The following NUP153 variants were observed in gnomAD, a reference collection of about 807,000 sequenced individuals.
NUP153 encodes the protein nuclear pore complex protein Nup153.
NUP153 carries 27 observed loss-of-function variants against 134.6 expected under a neutral mutation model. That is an observed-to-expected ratio of 0.20 (90% CI 0.15 to 0.28). The LOEUF (loss-of-function observed/expected upper bound fraction) is 0.28, where lower values mean the gene tolerates loss of function less well. NUP153 is among the 10% of genes least tolerant of loss of function. NUP153 has a pLI of 1.00. For synonymous variants in NUP153, 640 were observed against 623.5 expected (o/e 1.03, Z -0.40); for missense variants, 1,821 against 1,731.3 (o/e 1.05, Z -0.92).
chr6:17,692,916 A>C (rs1399697819), intron 1 of NUP153, among the ~76,000 whole-genome samples: 1 of 152,208 alleles, frequency 6.6e-6, no homozygotes, highest in Non-Finnish European at 1.5e-5. Flanking sequence ...TGAAAGGCTT[A>C]ATCTTCAGTT....
intron 9 of NUP153, among the ~76,000 whole-genome samples, chr6:17,664,205 T>G (rs1239494999): frequency 9.9e-5 from 15 of 152,128 alleles, no homozygotes; most frequent in Admixed American, 9.8e-4. Context: ...CTGACGGGTA[T>G]GGGTATGAGA....
At chr6:17,671,376 T>C (rs911766045) in intron 5 of NUP153, among the ~76,000 whole-genome samples, 2 of 152,188 alleles carry the variant, frequency 1.3e-5, no homozygotes, top group Admixed American at 1.3e-4. Flanking sequence ...TGTGTAGAAT[T>C]GGTATTATTT....
chr6:17,657,777 ATATTAG>A (rs10531316), intron 11 of NUP153, among the ~76,000 whole-genome samples: 17,756 of 152,212 alleles, frequency 0.12, 1,261 homozygotes, highest in East Asian at 0.28. Context: ...TATGAATCAG[ATATTAG>A]GTTGGTGCAA....
At chr6:17,630,093 A>G (rs1448808564) in intron 17 of NUP153, among the ~76,000 whole-genome samples, 1 of 152,210 alleles carries the variant, frequency 6.6e-6, no homozygotes, top group Non-Finnish European at 1.5e-5. Flanking sequence ...GACTTTTCTA[A>G]CAAGGTAAAA....
intron 1 of NUP153, among the ~76,000 whole-genome samples, chr6:17,702,533 G>A (rs975139959): frequency 7.3e-5 from 11 of 151,648 alleles, no homozygotes; most frequent in African/African-American, 2.4e-4. Flanking sequence ...AAAATCAGCC[G>A]TTTGTGGTGG....
intron 9 of NUP153, among the ~76,000 whole-genome samples, chr6:17,664,003 G>T (rs1295496290): frequency 6.6e-6 from 1 of 151,380 alleles, no homozygotes; most frequent in Non-Finnish European, 1.5e-5. Context: ...CAGCCAAAAA[G>T]TAAAACCAAC....
At chr6:17,697,598 G>A (rs949945002) in intron 1 of NUP153, among the ~76,000 whole-genome samples, 2 of 152,140 alleles carry the variant, frequency 1.3e-5, no homozygotes, top group Non-Finnish European at 2.9e-5. Flanking sequence ...GAGGGAGGGA[G>A]AATTGCTTGA....
chr6:17,664,220 C>T (rs1467955867), intron 9 of NUP153, among the ~76,000 whole-genome samples: 2 of 152,052 alleles, frequency 1.3e-5, no homozygotes, highest in East Asian at 3.8e-4. Flanking sequence ...ATGAGATTTT[C>T]AAAGGGTGGG....
intron 1 of NUP153, among the ~76,000 whole-genome samples, chr6:17,705,585 T>TGGGGGGG (rs200771105): frequency 5.0e-5 from 2 of 40,138 alleles, no homozygotes; most frequent in African/African-American, 9.6e-5. Context: ...GTGGCGGTGT[T>TGGGGGGG]GGGGGGGGGG....
At position 17,665,717 on chromosome 6, in the gene NUP153, G is replaced by GT. The variant is rs770751126; in HGVS notation, c.1069-333dup. Among the ~76,000 whole-genome samples, 628 of 147,784 alleles carry GT rather than the reference G, an allele frequency of 4.2e-3. 10 individuals are homozygous for GT. Among genetic ancestry groups the GT allele is most frequent in the South Asian group, 0.021 (98 of 4,606 alleles). On this transcript the variant is annotated intron_variant, in intron 8 of 21. Coordinates refer to ENST00000262077, the MANE Select transcript of NUP153 (RefSeq NM_005124.4). ...AGCACTACAGATCAAACCTTTTACAGTTTTTTGTTTTTTTTTTTTAAGAGA... is the reference window on the plus strand; with the variant it reads ...AGCACTACAGATCAAACCTTTTACAGTTTTTTTGTTTTTTTTTTTTAAGAGA...
At chr6:17,691,095 T>A (rs2113853672) in intron 1 of NUP153, among the ~76,000 whole-genome samples, 1 of 152,096 alleles carries the variant, frequency 6.6e-6, no homozygotes, top group South Asian at 2.1e-4. Context: ...TGAGCTAAGA[T>A]CACGCCATTG....
chr6:17,662,451 G>A lies in NUP153; in HGVS notation c.1216-381C>T, dbSNP rs186286898. ...TAAAGAATTAATACTTCCACTGAAAGGAATCAAGACTTCTTGGAAAAATGG... is the reference window on the plus strand; with the variant it reads ...TAAAGAATTAATACTTCCACTGAAAAGAATCAAGACTTCTTGGAAAAATGG... On this transcript the variant is annotated intron_variant, in intron 9 of 21. Coordinates refer to ENST00000262077, the MANE Select transcript of NUP153 (RefSeq NM_005124.4). Among the ~76,000 whole-genome samples the A allele has an allele frequency of 1.9e-3, 295 of 152,244 alleles. 2 individuals are homozygous for A. Among genetic ancestry groups the A allele is most frequent in the African/African-American group, 6.5e-3 (271 of 41,556 alleles).
chr6:17,687,579 C>T (rs891639668), intron 2 of NUP153, among the ~76,000 whole-genome samples: 7 of 152,100 alleles, frequency 4.6e-5, no homozygotes, highest in Non-Finnish European at 2.9e-5. Flanking sequence ...TCTTTCAGGG[C>T]CATTTCATTA....
At chr6:17,644,157 C>A (rs764105863) in intron 14 of NUP153, among the ~76,000 whole-genome samples, 2 of 152,094 alleles carry the variant, frequency 1.3e-5, no homozygotes, top group African/African-American at 4.8e-5. Flanking sequence ...AAAGATATTT[C>A]TTTAGCTTCT....
intron 18 of NUP153, among the ~76,000 whole-genome samples, chr6:17,627,342 C>T (rs1308254439): frequency 6.6e-6 from 1 of 152,158 alleles, no homozygotes; most frequent in Non-Finnish European, 1.5e-5. Context: ...AGACAAAAAA[C>T]TGCTCATAGC....
In NUP153 at chr6:17,625,726, C is replaced by T. The variant is rs759543070; in HGVS notation, c.3901+82G>A. 2 of 1,057,994 alleles carry T rather than the reference C, an allele frequency of 1.9e-6. No individual in the cohort carries two copies. Among genetic ancestry groups the T allele is most frequent in the African/African-American group, 1.6e-5 (1 of 63,470 alleles). 65.5% of individuals were successfully genotyped at this position (1,057,994 alleles called of 1,614,324 possible). ...ATTCCCACCATTTTGTGATAACCTGCTATATGATATTCGCTAAGAACTGAC... is the reference window on the plus strand; with the variant it reads ...ATTCCCACCATTTTGTGATAACCTGTTATATGATATTCGCTAAGAACTGAC... On this transcript the variant is annotated intron_variant, in intron 19 of 21. Coordinates refer to ENST00000262077, the MANE Select transcript of NUP153 (RefSeq NM_005124.4). The surrounding 1 kb of genome is among the most constrained non-coding windows in gnomAD (Gnocchi z 4.7).
At chr6:17,695,011 T>C (rs1286492099) in intron 1 of NUP153, among the ~76,000 whole-genome samples, 1 of 151,740 alleles carries the variant, frequency 6.6e-6, no homozygotes, top group East Asian at 1.9e-4. Context: ...TGGGAAGTAC[T>C]ATGGACTGAA....
At chr6:17,677,020 A>G (rs1211556787) in intron 2 of NUP153, among the ~76,000 whole-genome samples, 1 of 152,238 alleles carries the variant, frequency 6.6e-6, no homozygotes, top group African/African-American at 2.4e-5. Flanking sequence ...TAGGGCTGCC[A>G]GAATTTAAAG....
chr6:17,641,364 A>C (rs1377923917), intron 14 of NUP153, among the ~76,000 whole-genome samples: 1 of 151,174 alleles, frequency 6.6e-6, no homozygotes, highest in Non-Finnish European at 1.5e-5. Flanking sequence ...GTGAAACCCC[A>C]TCTCCACTAA....
Sources: gnomAD v4.1 joint callset for allele counts (sites outside exome capture counted in the v4.1 genomes callset) on GRCh38, gnomAD v4.1.1 for gene constraint, Gnocchi (gnomAD v3.1) non-coding constraint, MANE v1.5 for transcripts, NCBI Gene and HGNC (gene_info 2026-07-23, HGNC 2026-07-21) for gene names.